Variants in LRRK2 observed in about 807,000 individuals in gnomAD.
The protein encoded by LRRK2 is leucine-rich repeat serine/threonine-protein kinase 2.
LRRK2 carries 203 observed loss-of-function variants against 302.6 expected under a neutral mutation model. The ratio of observed to expected loss-of-function variants is 0.67; its 90% CI spans 0.60 to 0.75. The LOEUF (loss-of-function observed/expected upper bound fraction) is 0.75, where lower values mean the gene tolerates loss of function less well. Among genes scored for constraint, LRRK2 ranks in the 30% least tolerant of loss-of-function variants. LRRK2 has a pLI of 0.00. For synonymous variants in LRRK2, 1,066 were observed against 1,031.9 expected, an observed-to-expected ratio of 1.03 and a Z score of -0.63; for missense variants, 2,830 against 2,951.0, an observed-to-expected ratio of 0.96 and a Z score of 0.95.
At chr12:40,326,193 A>C (rs1156542645) in intron 38 of LRRK2, among the ~76,000 whole-genome samples, 1 of 152,176 alleles carries the variant, frequency 6.6e-6, no homozygotes, top group Admixed American at 6.5e-5. Context: ...TGCCGGGCGC[A>C]GTGGCTCATG....
intron 2 of LRRK2, among the ~76,000 whole-genome samples, chr12:40,226,837 C>T (rs1253679821): frequency 6.6e-6 from 1 of 152,148 alleles, no homozygotes. Context: ...CACGTCATCC[C>T]TTCTTACTTG....
rs1398812499 is a variant in LRRK2 at position 40,269,791 on chromosome 12, CCTGT to C, written c.1657-4791_1657-4788del. Among the ~76,000 whole-genome samples the C allele has an allele frequency of 2.0e-5, 3 of 152,068 alleles. No homozygotes were observed. The East Asian group carries it at 5.8e-4, about 29-fold the overall frequency. Reference sequence around the variant, plus strand: ...TTTCCCAGGTATTCGTTTTTTCCTTCCTGTATGTTGACACATTATGCACACTTTT... The same window carrying C: ...TTTCCCAGGTATTCGTTTTTTCCTTCATGTTGACACATTATGCACACTTTT... On this transcript the variant is annotated intron_variant, in intron 14 of 50. Coordinates refer to ENST00000298910, the MANE Select transcript of LRRK2 (RefSeq NM_198578.4).
chr12:40,284,748 C>T (rs190713106), intron 19 of LRRK2, among the ~76,000 whole-genome samples: 4 of 152,068 alleles, frequency 2.6e-5, no homozygotes, highest in African/African-American at 9.7e-5. Context: ...GTGTTTTTAG[C>T]GTGAAAGCTC....
chr12:40,302,802 C>T lies in LRRK2; in HGVS notation c.3510C>T (p.Phe1170=). Residue 1170 remains phenylalanine (F), a synonymous_variant, in exon 26 of 51, where the codon TTC becomes TTT. Coordinates refer to ENST00000298910, the MANE Select transcript of LRRK2 (RefSeq NM_198578.4). The stretch of plus-strand genomic sequence containing the variant: ...TTTTTCTTTTAGCTGCTATGCCTTT[C>T]TTGCCTCCTTCTATGACAATCCTAA... ...ARMNFLAAMP[F]LPPSMTILKL... 6.2e-7 allele frequency: 1 copy of T among 1,609,316 alleles called. No homozygotes were observed. Among genetic ancestry groups the T allele is most frequent in the East Asian group, 2.2e-5 (1 of 44,656 alleles).
chr12:40,356,189 T>C lies in LRRK2; in HGVS notation c.6843+2T>C, dbSNP rs773585744. The C allele has an allele frequency of 6.2e-7, 1 of 1,606,564 alleles. No individual in the cohort carries two copies. Among genetic ancestry groups the C allele is most frequent in the South Asian group, 1.1e-5 (1 of 90,234 alleles). ...ATTTTTGAAGATAAGACTGTTAAGG[T>C]AAATGTTGAATGCATTCTACATCTA... On this transcript the variant is annotated splice_donor_variant, in intron 46 of 50. Transcript: ENST00000298910. LOFTEE classifies it high-confidence loss of function.
Position 40,314,103 on chromosome 12 carries a change from A to G in LRRK2, c.4668A>G (p.Leu1556=), listed in dbSNP as rs776234529. The change falls in exon 32 of 51, where the codon CTA becomes CTG. Residue 1556 remains leucine (L), a synonymous_variant. Coordinates refer to ENST00000298910, the MANE Select transcript of LRRK2 (RefSeq NM_198578.4). The part of the protein sequence containing the change: ...PVIDRKRLLQ[L]VRENQLQLDE... ...TTGACCGGAAACGATTATTACAACT[A>G]GTGAGAGAAAATCAGCTGCAGTTAG... The G allele has an allele frequency of 6.2e-7, 1 of 1,612,808 alleles. No homozygotes were observed. Among genetic ancestry groups the G allele is most frequent in the Admixed American group, 1.7e-5 (1 of 59,924 alleles).
intron 38 of LRRK2, among the ~76,000 whole-genome samples, chr12:40,323,716 A>G (rs192421359): frequency 3.7e-4 from 56 of 152,238 alleles, no homozygotes; most frequent in African/African-American, 1.2e-3. Flanking sequence ...ACTCAGTGTG[A>G]CAATGCTGAA....
In LRRK2 at chr12:40,318,148, G is replaced by C. The variant is rs112526937; in HGVS notation, c.4828-1840G>C. Among the ~76,000 whole-genome samples the C allele has an allele frequency of 7.9e-5, 12 of 152,096 alleles. 1 individual carries two copies. Among genetic ancestry groups the C allele is most frequent in the African/African-American group, 2.7e-4 (11 of 41,506 alleles). ...GCAGATTTTTTCTGTCCTCTTAAAG[G>C]CTAGGCCAAGGACTGGCAAAAATAT... On this transcript the variant is annotated intron_variant, in intron 33 of 50. Transcript: ENST00000298910.
intron 6 of LRRK2, among the ~76,000 whole-genome samples, chr12:40,243,015 C>T (rs1941809169): frequency 6.6e-6 from 1 of 150,806 alleles, no homozygotes; most frequent in Non-Finnish European, 1.5e-5. Context: ...ACATTATTGT[C>T]CCTATTTTAC....
At chr12:40,322,801 T>G (rs1443504656) in intron 37 of LRRK2, among the ~76,000 whole-genome samples, 1 of 151,790 alleles carries the variant, frequency 6.6e-6, no homozygotes, top group Non-Finnish European at 1.5e-5. Flanking sequence ...TTATAAAGAT[T>G]CAAATAGACA....
intron 25 of LRRK2, among the ~76,000 whole-genome samples, chr12:40,299,576 G>T (rs1312072251): frequency 6.6e-6 from 1 of 152,168 alleles, no homozygotes; most frequent in East Asian, 1.9e-4. Context: ...GTTGTCAGGG[G>T]TTAGGGGAGG....
chr12:40,293,110 TAA>T (rs149289761), intron 20 of LRRK2, among the ~76,000 whole-genome samples: 1 of 151,916 alleles, frequency 6.6e-6, no homozygotes, highest in African/African-American at 2.4e-5. Flanking sequence ...GCGGTCTCCA[TAA>T]AAAAAATTCA....
rs1565685989 is a variant in LRRK2 at position 40,257,235 on chromosome 12, T to TA, written c.1289-7dup. 7 of 1,517,998 alleles carry TA rather than the reference T, an allele frequency of 4.6e-6. No homozygotes were observed. The highest frequency in any genetic ancestry group is 1.4e-5 in the African/African-American group (1 of 72,818). 94.0% of individuals were successfully genotyped at this position (1,517,998 alleles called of 1,614,324 possible). A position where few individuals can be genotyped will look rare whatever the true frequency, so the allele number is the denominator to read the frequency against. On this transcript the variant is annotated splice_polypyrimidine_tract_variant and intron_variant, in intron 11 of 50. Transcript: ENST00000298910. ...GCTTTCATATCTATAAGTAACATTT[T>TA]AAAAAATCTCAGTTAATTTCAGAAA... is the stretch of plus-strand genomic sequence containing the variant.
rs572544182 is a variant in LRRK2, at chr12:40,367,894, AT to A, written c.*131del. The A allele has an allele frequency of 1.2e-3, 814 of 705,460 alleles. 5 individuals are homozygous for A. The highest frequency in any genetic ancestry group is 3.3e-3 in the South Asian group (119 of 35,668). 43.7% of individuals were successfully genotyped at this position (705,460 alleles called of 1,614,324 possible). A position where few individuals can be genotyped will look rare whatever the true frequency, so the allele number is the denominator to read the frequency against. On this transcript the variant is annotated 3_prime_UTR_variant, in exon 51 of 51. Transcript: ENST00000298910. ...TAGCTCGTGTGTATGAAGGAATGTT[AT>A]TATTTTTAATTTAAATATATGTAAA...
chr12:40,346,651 C>T (rs1272597833), intron 41 of LRRK2, 102 bp from the exon 42 acceptor site: 27 of 1,072,946 alleles, frequency 2.5e-5, no homozygotes, highest in Non-Finnish European at 3.8e-5. Flanking sequence ...TAGAACATCT[C>T]TTCCTGACTC....
At chr12:40,234,369 CTTTTTTTTTT>C (rs35906443) in intron 3 of LRRK2, among the ~76,000 whole-genome samples, 1,577 of 43,194 alleles carry the variant, frequency 0.037, 140 homozygotes, top group Admixed American at 0.25. Context: ...GCTAAATTCA[CTTTTTTTTTT>C]TTTTTTTTTT....
At chr12:40,287,290 T>C (rs913557396) in intron 19 of LRRK2, 61 bp from the exon 20 acceptor site, 7 of 1,470,440 alleles carry the variant, frequency 4.8e-6, no homozygotes, top group African/African-American at 1.4e-5. Context: ...TTTGGTCCTA[T>C]GTATGTTTAT....
At chr12:40,325,724 C>T (rs899727491) in intron 38 of LRRK2, among the ~76,000 whole-genome samples, 2 of 152,198 alleles carry the variant, frequency 1.3e-5, no homozygotes, top group Non-Finnish European at 2.9e-5. Flanking sequence ...TTATGCCTCT[C>T]TCAATTTTCC....
At chr12:40,358,673 CT>C (rs1433540556) in intron 46 of LRRK2, among the ~76,000 whole-genome samples, 1 of 152,076 alleles carries the variant, frequency 6.6e-6, no homozygotes. Flanking sequence ...CAGCTTTGTT[CT>C]TTTTGCTCAG....
Sources: gnomAD v4.1 joint callset for allele counts (sites outside exome capture counted in the v4.1 genomes callset) on GRCh38, gnomAD v4.1.1 for gene constraint, MANE v1.5 for transcripts, NCBI Gene and HGNC (gene_info 2026-07-23, HGNC 2026-07-21) for gene names.